GFRA1: variants seen among roughly 807,000 people sequenced by gnomAD.
The protein encoded by GFRA1 is GDNF family receptor alpha-1.
A neutral mutation model predicts 51.6 loss-of-function variants in GFRA1; 16 were observed. The observed-to-expected ratio is 0.31, with a 90% CI of 0.21 to 0.47. The LOEUF is 0.47. GFRA1 is among the 20% of genes least tolerant of loss of function. The probability of loss-of-function intolerance (pLI) is 1.00; values close to 1 mark genes in which losing one functional copy is unlikely to be tolerated. For synonymous variants in GFRA1, 270 were observed against 241.3 expected (o/e 1.12, Z -1.10); for missense variants, 530 against 594.3 (o/e 0.89, Z 1.13).
chr10:116,158,265 T>G (rs1240500890), intron 5 of GFRA1, among the ~76,000 whole-genome samples: 1 of 152,218 alleles, frequency 6.6e-6, no homozygotes, highest in African/African-American at 2.4e-5. Context: ...ACCCCAGGAT[T>G]GAAGGTTTCC....
intron 6 of GFRA1, among the ~76,000 whole-genome samples, chr10:116,106,801 G>A (rs1007339574): frequency 2.0e-5 from 3 of 152,166 alleles, no homozygotes; most frequent in Non-Finnish European, 4.4e-5. Context: ...TTGGAGGTGG[G>A]GCCTGGTGGG....
chr10:116,239,129 A>T (rs1445249669), intron 4 of GFRA1, among the ~76,000 whole-genome samples: 1 of 152,222 alleles, frequency 6.6e-6, no homozygotes, highest in African/African-American at 2.4e-5. Flanking sequence ...TTCATTTGTG[A>T]GTTTTCATTT....
At chr10:116,188,939 A>C (rs1254630436) in intron 5 of GFRA1, among the ~76,000 whole-genome samples, 2 of 150,954 alleles carry the variant, frequency 1.3e-5, no homozygotes, top group Non-Finnish European at 1.5e-5. Flanking sequence ...TATCTACAGT[A>C]TTTATTATCA....
chr10:116,267,994 A>C (rs1190025254), intron 4 of GFRA1, among the ~76,000 whole-genome samples: 2 of 152,132 alleles, frequency 1.3e-5, no homozygotes, highest in Non-Finnish European at 2.9e-5. Context: ...CTGAAGGAAA[A>C]GACAGAATAA....
intron 4 of GFRA1, among the ~76,000 whole-genome samples, chr10:116,219,071 A>G (rs1300927448): frequency 6.6e-6 from 1 of 152,120 alleles, no homozygotes; most frequent in Non-Finnish European, 1.5e-5. Flanking sequence ...TGCTACCAAC[A>G]TCAATCTTGG....
chr10:116,221,261 G>C (rs1309165470), intron 4 of GFRA1, among the ~76,000 whole-genome samples: 1 of 152,058 alleles, frequency 6.6e-6, no homozygotes, highest in Non-Finnish European at 1.5e-5. Flanking sequence ...CAAGTGAGCT[G>C]GAATTCAACC....
chr10:116,243,803 C>G (rs1432094540), intron 4 of GFRA1, among the ~76,000 whole-genome samples: 1 of 152,144 alleles, frequency 6.6e-6, no homozygotes, highest in Non-Finnish European at 1.5e-5. Context: ...GTCAAGGAAA[C>G]TCTCACAGAG....
In GFRA1 at chr10:116,064,370, A is replaced by G; in HGVS notation, c.*28T>C. ...GATAACTTGGTTTTTGTCTTTTTAC[A>G]TGTCCATATTGTATTTTTTTAATGC... is the stretch of plus-strand genomic sequence containing the variant. On this transcript the variant is annotated 3_prime_UTR_variant, in exon 11 of 11. Coordinates refer to ENST00000355422, the MANE Select transcript of GFRA1 (RefSeq NM_005264.8). The G allele has an allele frequency of 1.9e-6, 3 of 1,602,002 alleles. No individual in the cohort carries two copies. Among genetic ancestry groups the G allele is most frequent in the Middle Eastern group, 2.2e-4 (1 of 4,510 alleles).
intron 5 of GFRA1, among the ~76,000 whole-genome samples, chr10:116,204,413 G>A (rs550259914): frequency 6.6e-6 from 1 of 152,320 alleles, no homozygotes; most frequent in African/African-American, 2.4e-5. Flanking sequence ...TAAAAGAAAG[G>A]ACACCCTGGT....
intron 4 of GFRA1, among the ~76,000 whole-genome samples, chr10:116,218,254 T>A (rs1261339263): frequency 1.3e-5 from 2 of 152,052 alleles, no homozygotes; most frequent in African/African-American, 4.8e-5. Flanking sequence ...AGACCACCAT[T>A]TAGGGGGCTC....
In GFRA1 at chr10:116,072,699, T is replaced by C. The variant is rs575469602; in HGVS notation, c.1198-7073A>G. The stretch of plus-strand genomic sequence containing the variant: ...TTGCTTGAACCCGGGAGGGGGAGGT[T>C]GCAGTGAGTTGAGATCACACCACTG... On this transcript the variant is annotated intron_variant, in intron 9 of 10. Coordinates refer to ENST00000355422, the MANE Select transcript of GFRA1 (RefSeq NM_005264.8). Among the ~76,000 whole-genome samples the C allele has an allele frequency of 1.4e-4, 21 of 152,150 alleles. No individual in the cohort carries two copies. In the South Asian group the frequency reaches 3.9e-3, roughly 29 times the overall value.
intron 6 of GFRA1, among the ~76,000 whole-genome samples, chr10:116,104,353 TC>T (rs1353242139): frequency 2.6e-5 from 4 of 152,178 alleles, no homozygotes; most frequent in African/African-American, 7.2e-5. Flanking sequence ...ACATGGGGCT[TC>T]CCCGATCACT....
At chr10:116,082,470 G>GTT (rs200376732) in intron 9 of GFRA1, among the ~76,000 whole-genome samples, 2 of 121,022 alleles carry the variant, frequency 1.7e-5, no homozygotes, top group Non-Finnish European at 3.1e-5. Context: ...CCTTGCTTTT[G>GTT]TTTTTTTTGT....
At chr10:116,126,194 T>C (rs1957866048) in intron 5 of GFRA1, among the ~76,000 whole-genome samples, 3 of 152,214 alleles carry the variant, frequency 2.0e-5, no homozygotes, top group Admixed American at 2.0e-4. Flanking sequence ...AATTACCACT[T>C]AACTCACCAC....
intron 4 of GFRA1, among the ~76,000 whole-genome samples, chr10:116,267,175 T>C (rs943720124): frequency 1.3e-5 from 2 of 151,918 alleles, no homozygotes; most frequent in Non-Finnish European, 2.9e-5. Flanking sequence ...TAATAAAAAC[T>C]CCATTGCGGG....
intron 4 of GFRA1, among the ~76,000 whole-genome samples, chr10:116,235,466 G>C (rs1377252471): frequency 1.3e-5 from 2 of 152,022 alleles, no homozygotes; most frequent in Non-Finnish European, 2.9e-5. Flanking sequence ...GCCCCTCTAA[G>C]CACCAAGAAA....
intron 9 of GFRA1, among the ~76,000 whole-genome samples, chr10:116,070,759 CTTTTTTT>C (rs773344299): frequency 4.1e-5 from 4 of 97,720 alleles, no homozygotes; most frequent in South Asian, 3.2e-4. Flanking sequence ...AGTCTGGAGC[CTTTTTTT>C]TTTTTTTTTT....
chr10:116,176,367 C>T (rs1247590652), intron 5 of GFRA1, among the ~76,000 whole-genome samples: 1 of 152,118 alleles, frequency 6.6e-6, no homozygotes, highest in Non-Finnish European at 1.5e-5. Context: ...ATGTAAACCC[C>T]ATGCTGGAGG....
chr10:116,140,227 C>T (rs546910759), intron 5 of GFRA1, among the ~76,000 whole-genome samples: 10 of 152,168 alleles, frequency 6.6e-5, no homozygotes, highest in Non-Finnish European at 7.4e-5. Context: ...CTGAGCCTTC[C>T]GGGAAGTTCT....
Sources: allele counts gnomAD v4.1 joint callset (sites outside exome capture counted in the v4.1 genomes callset), GRCh38; gene constraint gnomAD v4.1.1; transcripts MANE v1.5; gene names NCBI Gene and HGNC (gene_info 2026-07-23, HGNC 2026-07-21).